The following NRG3 variants were observed in gnomAD, a reference collection of about 807,000 sequenced individuals.
NRG3 encodes pro-neuregulin-3, membrane-bound isoform.
A neutral mutation model predicts 66.9 loss-of-function variants in NRG3; 31 were observed. That is an observed-to-expected ratio of 0.46 (90% confidence interval 0.35 to 0.63). The LOEUF (loss-of-function observed/expected upper bound fraction) is 0.63, where lower values mean the gene tolerates loss of function less well. Ranked by LOEUF, NRG3 falls within the 20% of genes least tolerant of loss-of-function variation. The probability of loss-of-function intolerance (pLI) is 0.00; values close to 1 mark genes in which losing one functional copy is unlikely to be tolerated. For missense variants in NRG3, 910 were observed against 878.9 expected (o/e 1.04, Z -0.45); for synonymous variants, 393 against 359.4 (o/e 1.09, Z -1.06).
intron 1 of NRG3, among the ~76,000 whole-genome samples, chr10:82,015,593 A>C (rs1395440071): frequency 6.6e-6 from 1 of 152,000 alleles, no homozygotes; most frequent in Non-Finnish European, 1.5e-5. Flanking sequence ...TGGTTTTATA[A>C]GGGGCTCTTT....
At chr10:82,428,890 G>C (rs368979868) in intron 2 of NRG3, among the ~76,000 whole-genome samples, 3 of 151,828 alleles carry the variant, frequency 2.0e-5, no homozygotes, top group Non-Finnish European at 4.4e-5. Flanking sequence ...AGTCTATGTT[G>C]TTAGGTGTAT....
intron 1 of NRG3, among the ~76,000 whole-genome samples, chr10:82,300,750 T>A (rs1439993771): frequency 6.6e-6 from 1 of 152,128 alleles, no homozygotes; most frequent in Admixed American, 6.5e-5. Context: ...GTAGGTAGAT[T>A]ATGAAATGGT....
At chr10:82,670,031 T>C (rs1428987613) in intron 2 of NRG3, among the ~76,000 whole-genome samples, 3 of 152,144 alleles carry the variant, frequency 2.0e-5, no homozygotes, top group Non-Finnish European at 4.4e-5. Context: ...CTGAGAATCA[T>C]TTTGTTTAGA....
At chr10:82,553,060 C>G (rs1001207490) in intron 2 of NRG3, among the ~76,000 whole-genome samples, 1 of 151,760 alleles carries the variant, frequency 6.6e-6, no homozygotes, top group African/African-American at 2.4e-5. Flanking sequence ...CACACACACA[C>G]CCCTTTATGG....
At chr10:82,897,649 GC>G (rs922504723) in intron 4 of NRG3, among the ~76,000 whole-genome samples, 4 of 152,114 alleles carry the variant, frequency 2.6e-5, no homozygotes, top group African/African-American at 9.7e-5. Context: ...CTCCCGAGTA[GC>G]TGGGATTATA....
intron 3 of NRG3, among the ~76,000 whole-genome samples, chr10:82,759,725 A>T (rs996924865): frequency 1.3e-5 from 2 of 152,220 alleles, no homozygotes; most frequent in Non-Finnish European, 2.9e-5. Flanking sequence ...ACACAAAAAC[A>T]TACAAGTGTT....
chr10:82,721,102 ATTTT>A, intron 2 of NRG3, among the ~76,000 whole-genome samples: 1 of 79,558 alleles, frequency 1.3e-5, no homozygotes, highest in East Asian at 3.3e-4. Context: ...TTGTTTATTT[ATTTT>A]GAAACAGAGT....
At chr10:82,066,996 G>GAT (rs762247028) in intron 1 of NRG3, among the ~76,000 whole-genome samples, 6 of 131,708 alleles carry the variant, frequency 4.6e-5, no homozygotes, top group Non-Finnish European at 9.6e-5. Context: ...TCTACTTTTA[G>GAT]CTATTAGATC....
At chr10:82,733,960 C>G (rs2058039759) in intron 2 of NRG3, among the ~76,000 whole-genome samples, 1 of 152,188 alleles carries the variant, frequency 6.6e-6, no homozygotes, top group Non-Finnish European at 1.5e-5. Flanking sequence ...TCACTTTTAG[C>G]TGGCCAAAAG....
At chr10:82,774,827 T>TC (rs1565301480) in intron 3 of NRG3, among the ~76,000 whole-genome samples, 2 of 137,540 alleles carry the variant, frequency 1.5e-5, no homozygotes, top group Non-Finnish European at 3.1e-5. Context: ...TTTTCTTTTT[T>TC]TTTTTTTTTT....
intron 4 of NRG3, among the ~76,000 whole-genome samples, chr10:82,875,137 G>T (rs1171635672): frequency 6.6e-6 from 1 of 152,188 alleles, no homozygotes; most frequent in African/African-American, 2.4e-5. Context: ...GGTGAGTACA[G>T]ACTGTGTTGA....
intron 2 of NRG3, among the ~76,000 whole-genome samples, chr10:82,406,809 GA>G (rs1242983970): frequency 1.3e-5 from 2 of 152,004 alleles, no homozygotes; most frequent in East Asian, 3.9e-4. Flanking sequence ...TTTGTACATT[GA>G]GACAGGTACC....
intron 2 of NRG3, among the ~76,000 whole-genome samples, chr10:82,550,986 C>G (rs1215879667): frequency 1.3e-5 from 2 of 152,078 alleles, no homozygotes; most frequent in African/African-American, 4.8e-5. Flanking sequence ...TCCCCTCCCC[C>G]AAAAATTAAA....
intron 3 of NRG3, among the ~76,000 whole-genome samples, chr10:82,848,212 C>G (rs2063397931): frequency 1.3e-5 from 2 of 152,164 alleles, no homozygotes; most frequent in Admixed American, 1.3e-4. Context: ...CAAACACGTC[C>G]TTGTGGCTTA....
intron 1 of NRG3, among the ~76,000 whole-genome samples, chr10:82,155,430 C>A (rs996061718): frequency 6.6e-6 from 1 of 151,722 alleles, no homozygotes; most frequent in Non-Finnish European, 1.5e-5. Flanking sequence ...ATATCAGTAA[C>A]CTTCTCTCTA....
chr10:82,645,251 G>A (rs1313316221), intron 2 of NRG3, among the ~76,000 whole-genome samples: 2 of 152,150 alleles, frequency 1.3e-5, no homozygotes, highest in African/African-American at 4.8e-5. Flanking sequence ...CCCAAGGTCT[G>A]TCATAGCCAG....
At chr10:82,099,192 T>C (rs906329721) in intron 1 of NRG3, among the ~76,000 whole-genome samples, 1 of 152,196 alleles carries the variant, frequency 6.6e-6, no homozygotes, top group African/African-American at 2.4e-5. Flanking sequence ...GTCATGAAGA[T>C]TTTCTCTTTT....
chr10:82,013,961 T>A (rs1037625282), intron 1 of NRG3, among the ~76,000 whole-genome samples: 2 of 152,210 alleles, frequency 1.3e-5, no homozygotes, highest in African/African-American at 4.8e-5. Context: ...TCAATAGTTC[T>A]CAGGCATTTA....
intron 1 of NRG3, among the ~76,000 whole-genome samples, chr10:82,217,182 G>T (rs1032198861): frequency 3.9e-5 from 6 of 152,164 alleles, no homozygotes; most frequent in African/African-American, 1.4e-4. Flanking sequence ...TTTACTCCAT[G>T]TGACAAGGTT....
Sources: gnomAD v4.1 joint callset for allele counts (sites outside exome capture counted in the v4.1 genomes callset) on GRCh38, gnomAD v4.1.1 for gene constraint, MANE v1.5 for transcripts, NCBI Gene and HGNC (gene_info 2026-07-23, HGNC 2026-07-21) for gene names.